The following LINGO2 variants were observed in gnomAD, a reference collection of about 807,000 sequenced individuals.
LINGO2 encodes the protein leucine rich repeat and Ig domain containing 2.
Under a neutral mutation model 30.6 loss-of-function variants are expected in LINGO2, and 14 were observed. That is an observed-to-expected ratio of 0.46 (90% CI 0.30 to 0.72). The LOEUF is 0.72. Among genes scored for constraint, LINGO2 ranks in the 30% least tolerant of loss-of-function variants. LINGO2 has a pLI of 0.07. For missense variants in LINGO2, 729 were observed against 751.7 expected, an observed-to-expected ratio of 0.97 and a Z score of 0.35; for synonymous variants, 317 against 288.5, an observed-to-expected ratio of 1.10 and a Z score of -1.00.
the LINGO2 span, among the ~76,000 whole-genome samples, chr9:29,005,895 A>AT: frequency 5.3e-5 from 8 of 151,774 alleles, no homozygotes; most frequent in Admixed American, 2.6e-4. Flanking sequence ...TTGTATTTTT[A>AT]TTTTTTCTGA....
chr9:28,265,784 A>G (rs1041535111), intron 4 of LINGO2, among the ~76,000 whole-genome samples: 1 of 151,998 alleles, frequency 6.6e-6, no homozygotes, highest in African/African-American at 2.4e-5. Flanking sequence ...TAAAAATGGC[A>G]AAAGAAAATG....
At chr9:29,148,815 T>C in the LINGO2 span, among the ~76,000 whole-genome samples, 37,942 of 152,006 alleles carry the variant, frequency 0.25, 4,938 homozygotes, top group East Asian at 0.4. Context: ...GGGTGATAAT[T>C]ACGGGATTTT....
At chr9:29,041,116 T>C in the LINGO2 span, among the ~76,000 whole-genome samples, 1 of 152,020 alleles carries the variant, frequency 6.6e-6, no homozygotes, top group African/African-American at 2.4e-5. Context: ...AGATTTTAAT[T>C]TTAAGGATAA....
At position 28,640,088 on chromosome 9, in the gene LINGO2, T is replaced by C. The variant is rs574145717; in HGVS notation, c.-365+30112A>G. ...TTCTCCTTCACTTATGAAGCTTAGT[T>C]TGGCTGGATATGAAATTCTGGGTTG... On this transcript the variant is annotated intron_variant, in intron 1 of 5. Transcript: ENST00000379992. 3.9e-5 allele frequency among the ~76,000 whole-genome samples: 6 copies of C among 152,268 alleles called. No individual in the cohort carries two copies. The South Asian group carries it at 1.2e-3, about 32-fold the overall frequency.
chr9:28,286,548 T>A (rs1176556537), intron 4 of LINGO2, among the ~76,000 whole-genome samples: 1 of 152,032 alleles, frequency 6.6e-6, no homozygotes, highest in Non-Finnish European at 1.5e-5. Flanking sequence ...AGCAAACACA[T>A]GGAATCAATC....
the LINGO2 span, among the ~76,000 whole-genome samples, chr9:29,133,818 A>T: frequency 6.6e-6 from 1 of 152,186 alleles, no homozygotes; most frequent in Non-Finnish European, 1.5e-5. Context: ...AAAAGACAGA[A>T]TTTTTTAGAG....
intron 4 of LINGO2, among the ~76,000 whole-genome samples, chr9:28,161,894 C>T (rs1053197268): frequency 6.6e-6 from 1 of 151,610 alleles, no homozygotes; most frequent in Admixed American, 6.6e-5. Flanking sequence ...TAATCACTGG[C>T]CAACAAAAAA....
At chr9:28,047,359 T>TA (rs1184612148) in intron 4 of LINGO2, among the ~76,000 whole-genome samples, 1 of 151,556 alleles carries the variant, frequency 6.6e-6, no homozygotes, top group African/African-American at 2.4e-5. Flanking sequence ...GGTCATACTG[T>TA]ATGAAAGATC....
chr9:28,371,279 G>A (rs1003108483), intron 3 of LINGO2, among the ~76,000 whole-genome samples: 3 of 152,172 alleles, frequency 2.0e-5, no homozygotes, highest in Non-Finnish European at 4.4e-5. Context: ...GAACACTAGT[G>A]TTTTAGTTTG....
intron 2 of LINGO2, among the ~76,000 whole-genome samples, chr9:28,468,490 A>T (rs1188031637): frequency 6.6e-6 from 1 of 152,118 alleles, no homozygotes; most frequent in Non-Finnish European, 1.5e-5. Context: ...ACAGAAACTG[A>T]AGGTAAGAGA....
At chr9:28,072,271 C>T (rs1002100937) in intron 4 of LINGO2, among the ~76,000 whole-genome samples, 1 of 152,172 alleles carries the variant, frequency 6.6e-6, no homozygotes, top group Non-Finnish European at 1.5e-5. Context: ...TGAGACCTGT[C>T]CTCTCTTAAG....
intron 1 of LINGO2, among the ~76,000 whole-genome samples, chr9:28,607,217 T>C (rs985782081): frequency 1.3e-5 from 2 of 151,956 alleles, no homozygotes; most frequent in African/African-American, 2.4e-5. Context: ...CTTAGTAATG[T>C]TGAAAGATTG....
At chr9:28,266,241 G>A (rs532091244) in intron 4 of LINGO2, among the ~76,000 whole-genome samples, 40 of 152,022 alleles carry the variant, frequency 2.6e-4, no homozygotes, top group Middle Eastern at 3.4e-3. Context: ...TTTACTTTGG[G>A]ATATTGTAAG....
intron 1 of LINGO2, among the ~76,000 whole-genome samples, chr9:28,561,800 C>A (rs576418523): frequency 8.0e-6 from 1 of 125,742 alleles, no homozygotes; most frequent in Non-Finnish European, 1.7e-5. Context: ...GCTACTAGAA[C>A]TGAAAAAGAC....
At chr9:29,161,204 G>A in the LINGO2 span, among the ~76,000 whole-genome samples, 3 of 152,244 alleles carry the variant, frequency 2.0e-5, no homozygotes, top group East Asian at 3.9e-4. Context: ...GAGGCGCAGA[G>A]CCACAGCAAA....
intron 4 of LINGO2, among the ~76,000 whole-genome samples, chr9:28,287,799 T>G (rs1315870494): frequency 6.6e-6 from 1 of 152,238 alleles, no homozygotes; most frequent in Non-Finnish European, 1.5e-5. Context: ...TGTGCGTGTG[T>G]GTGCGTATGT....
chr9:28,968,664 A>G, the LINGO2 span, among the ~76,000 whole-genome samples: 1 of 152,162 alleles, frequency 6.6e-6, no homozygotes, highest in Non-Finnish European at 1.5e-5. Flanking sequence ...AATGCAGAGA[A>G]TGAATTAGAT....
chr9:27,948,907 C>T (rs372322805), exon 6 of LINGO2: 2 of 1,614,084 alleles, frequency 1.2e-6, no homozygotes, highest in Non-Finnish European at 1.7e-6. Flanking sequence ...TCCACAACAG[C>T]ACCATTGTTT....
At chr9:28,660,900 T>C (rs1828557932) in intron 1 of LINGO2, among the ~76,000 whole-genome samples, 1 of 152,132 alleles carries the variant, frequency 6.6e-6, no homozygotes, top group Non-Finnish European at 1.5e-5. Flanking sequence ...AGGAGAGCTG[T>C]CTTTGATTGA....
Sources: allele counts gnomAD v4.1 joint callset (sites outside exome capture counted in the v4.1 genomes callset), GRCh38; gene constraint gnomAD v4.1.1; transcripts MANE v1.5; gene names NCBI Gene and HGNC (gene_info 2026-07-23, HGNC 2026-07-21).